RNLS: variants seen among roughly 807,000 people sequenced by gnomAD.
RNLS encodes the protein renalase.
A neutral mutation model predicts 39.8 loss-of-function variants in RNLS; 39 were observed. The ratio of observed to expected loss-of-function variants is 0.98; its 90% confidence interval spans 0.76 to 1.28. RNLS has a LOEUF of 1.28. Ranked by LOEUF, RNLS falls within the 50% of genes most tolerant of loss-of-function variation. The pLI, the probability that RNLS is intolerant of heterozygous loss-of-function variation, is 0.00. For synonymous variants in RNLS, 147 were observed against 150.7 expected (o/e 0.98, Z 0.18); for missense variants, 410 against 413.3 (o/e 0.99, Z 0.07).
At chr10:88,486,344 T>C (rs1039562733) in intron 4 of RNLS, among the ~76,000 whole-genome samples, 2 of 152,040 alleles carry the variant, frequency 1.3e-5, no homozygotes, top group African/African-American at 2.4e-5. Context: ...CAAAAGCAAT[T>C]GCAGCAAAAG....
At chr10:88,347,711 G>A (rs779939101) in intron 5 of RNLS, among the ~76,000 whole-genome samples, 3 of 152,046 alleles carry the variant, frequency 2.0e-5, no homozygotes, top group Non-Finnish European at 4.4e-5. Flanking sequence ...AAACTAAACA[G>A]CAAACAAGTT....
At chr10:88,426,811 C>T (rs901393168) in intron 4 of RNLS, among the ~76,000 whole-genome samples, 1 of 151,936 alleles carries the variant, frequency 6.6e-6, no homozygotes, top group Admixed American at 6.6e-5. Flanking sequence ...ACAGCTTTCT[C>T]ATAAGTGTGA....
At chr10:88,336,387 A>C (rs995059520) in intron 5 of RNLS, among the ~76,000 whole-genome samples, 3 of 152,236 alleles carry the variant, frequency 2.0e-5, no homozygotes, top group Non-Finnish European at 4.4e-5. Flanking sequence ...TCAAGGCTAC[A>C]TAAGTTTGGA....
At chr10:88,197,337 A>G in the RNLS span, among the ~76,000 whole-genome samples, 1 of 152,166 alleles carries the variant, frequency 6.6e-6, no homozygotes, top group African/African-American at 2.4e-5. Flanking sequence ...TCTTCTTTGT[A>G]AGGTCCTTAC....
chr10:88,352,184 C>T (rs568704214), intron 5 of RNLS, among the ~76,000 whole-genome samples: 1,651 of 152,122 alleles, frequency 0.011, 19 homozygotes, highest in Non-Finnish European at 0.018. Context: ...AATTGAATAC[C>T]CTTTATTTCT....
intron 4 of RNLS, among the ~76,000 whole-genome samples, chr10:88,481,038 A>G (rs561811411): frequency 6.6e-6 from 1 of 152,110 alleles, no homozygotes; most frequent in Non-Finnish European, 1.5e-5. Context: ...TAATTTTTGT[A>G]TATTCCTGGT....
chr10:88,276,376 A>G (rs1842816612), intron 6 of RNLS, among the ~76,000 whole-genome samples: 1 of 152,066 alleles, frequency 6.6e-6, no homozygotes, highest in Non-Finnish European at 1.5e-5. Context: ...ACATTTATCT[A>G]TATTCTCCTC....
intron 4 of RNLS, among the ~76,000 whole-genome samples, chr10:88,469,917 C>A (rs1843423123): frequency 1.5e-5 from 2 of 130,650 alleles, no homozygotes; most frequent in African/African-American, 5.0e-5. Context: ...TACATACATA[C>A]ATATATATAC....
At chr10:88,286,793 G>GTTTT (rs34199618) in intron 6 of RNLS, among the ~76,000 whole-genome samples, 2 of 148,646 alleles carry the variant, frequency 1.3e-5, no homozygotes, top group African/African-American at 2.5e-5. Flanking sequence ...TTCCCTTACA[G>GTTTT]TTTTTTTTTT....
At chr10:88,469,655 T>C (rs1160036472) in intron 4 of RNLS, among the ~76,000 whole-genome samples, 1 of 152,156 alleles carries the variant, frequency 6.6e-6, no homozygotes, top group Non-Finnish European at 1.5e-5. Context: ...GTCTGTCAAA[T>C]TTACTTAAAC....
chr10:88,444,288 C>T (rs1841912638), intron 4 of RNLS, among the ~76,000 whole-genome samples: 1 of 152,154 alleles, frequency 6.6e-6, no homozygotes, highest in African/African-American at 2.4e-5. Flanking sequence ...AACTAACAAA[C>T]AGAAAGGACA....
chr10:88,345,345 A>AT (rs1195432336), intron 5 of RNLS, among the ~76,000 whole-genome samples: 2 of 151,956 alleles, frequency 1.3e-5, no homozygotes, highest in Non-Finnish European at 2.9e-5. Context: ...TGTAGTGTAA[A>AT]TTTTTTTTGG....
At chr10:88,414,783 T>G (rs1413447842) in intron 4 of RNLS, among the ~76,000 whole-genome samples, 1 of 152,210 alleles carries the variant, frequency 6.6e-6, no homozygotes, top group Non-Finnish European at 1.5e-5. Context: ...TAACCAAAAT[T>G]GTTTTTTAAA....
the RNLS span, among the ~76,000 whole-genome samples, chr10:88,246,657 A>T: frequency 6.7e-6 from 1 of 149,578 alleles, no homozygotes; most frequent in Non-Finnish European, 1.5e-5. Context: ...CTTTCCTCCC[A>T]CTCTCTCTCA....
intron 5 of RNLS, among the ~76,000 whole-genome samples, chr10:88,352,523 AC>A (rs1183817878): frequency 6.6e-6 from 1 of 152,178 alleles, no homozygotes; most frequent in African/African-American, 2.4e-5. Flanking sequence ...CATATGTTGA[AC>A]CAGCCTTGCA....
downstream of RNLS, among the ~76,000 whole-genome samples, chr10:88,272,381 A>G (rs966532425): frequency 3.9e-5 from 6 of 152,150 alleles, no homozygotes; most frequent in Admixed American, 3.9e-4. Flanking sequence ...AATTACTATA[A>G]CAAACCACTT....
At chr10:88,276,612 A>C (rs1358685444) in intron 6 of RNLS, among the ~76,000 whole-genome samples, 1 of 152,080 alleles carries the variant, frequency 6.6e-6, no homozygotes, top group Non-Finnish European at 1.5e-5. Context: ...TATTATTTCC[A>C]CTGATTTGTA....
chr10:88,448,816 A>C (rs373166547), intron 4 of RNLS, among the ~76,000 whole-genome samples: 1 of 152,234 alleles, frequency 6.6e-6, no homozygotes, highest in East Asian at 1.9e-4. Context: ...AATTCTATGC[A>C]GCCATAAAAA....
chr10:88,202,783 G>A, the RNLS span, among the ~76,000 whole-genome samples: 1 of 152,152 alleles, frequency 6.6e-6, no homozygotes, highest in African/African-American at 2.4e-5. Context: ...TGGTCCCTCA[G>A]ATTCACCTCA....
Sources: allele counts gnomAD v4.1 joint callset (sites outside exome capture counted in the v4.1 genomes callset), GRCh38; gene constraint gnomAD v4.1.1; transcripts MANE v1.5; gene names NCBI Gene and HGNC (gene_info 2026-07-23, HGNC 2026-07-21).